The following SOX5 variants were observed in gnomAD, a reference collection of about 807,000 sequenced individuals.
SOX5 encodes the protein SRY-box transcription factor 5.
Under a neutral mutation model 92.0 loss-of-function variants are expected in SOX5, and 9 were observed. The observed-to-expected ratio is 0.10, with a 90% CI of 0.06 to 0.17. The LOEUF is 0.17. Among genes scored for constraint, SOX5 ranks in the 10% least tolerant of loss-of-function variants. The pLI is 1.00. For synonymous variants in SOX5, 344 were observed against 336.3 expected, an observed-to-expected ratio of 1.02 and a Z score of -0.25; for missense variants, 642 against 944.5, an observed-to-expected ratio of 0.68 and a Z score of 4.20.
Position 24,376,690 on chromosome 12 carries a change from CTTTTTTTTTTTTTTTTTTT to C in SOX5, c.-250-8070_-250-8052del, listed in dbSNP as rs1164391418. 4.9e-3 allele frequency among the ~76,000 whole-genome samples: 346 copies of C among 70,616 alleles called. 4 individuals carry two copies. Among genetic ancestry groups the C allele is most frequent in the Middle Eastern group, 7.5e-3 (1 of 134 alleles). 46.3% of individuals were successfully genotyped at this position (70,616 alleles called of 152,430 possible). On this transcript the variant is annotated intron_variant, in intron 1 of 4. Coordinates refer to the SOX5 transcript ENST00000446891. ...CAGAATGATGCTATGGGAGAGATAC[CTTTTTTTTTTTTTTTTTTT>C]TTTTTTTTTTTTTTTTTTTTACAGA... is the stretch of plus-strand genomic sequence containing the variant.
intron 4 of SOX5, among the ~76,000 whole-genome samples, chr12:23,991,535 G>T (rs1950557564): frequency 6.6e-6 from 1 of 151,794 alleles, no homozygotes; most frequent in Admixed American, 6.6e-5. Context: ...CGATTTTCCA[G>T]TTATAAAATA....
chr12:24,389,170 T>C (rs1958726572), intron 1 of SOX5, among the ~76,000 whole-genome samples: 1 of 151,676 alleles, frequency 6.6e-6, no homozygotes, highest in Non-Finnish European at 1.5e-5. Context: ...TGTGTTCTCA[T>C]TGTTCAATTC....
chr12:23,647,287 T>A (rs930477646), intron 7 of SOX5, among the ~76,000 whole-genome samples: 1 of 152,236 alleles, frequency 6.6e-6, no homozygotes, highest in Non-Finnish European at 1.5e-5. Context: ...CTAGTGGGCT[T>A]AAAATATTCA....
At chr12:24,114,450 G>A (rs138573204) in intron 4 of SOX5, among the ~76,000 whole-genome samples, 1 of 151,144 alleles carries the variant, frequency 6.6e-6, no homozygotes, top group Non-Finnish European at 1.5e-5. Flanking sequence ...GATGGTGTGT[G>A]CCTGTAATCC....
intron 4 of SOX5, among the ~76,000 whole-genome samples, chr12:24,134,549 A>G (rs1348345283): frequency 6.6e-6 from 1 of 152,226 alleles, no homozygotes; most frequent in African/African-American, 2.4e-5. Context: ...ACACACACAT[A>G]AACACACATA....
chr12:23,740,335 A>C (rs937084264), intron 5 of SOX5, among the ~76,000 whole-genome samples: 10 of 152,168 alleles, frequency 6.6e-5, no homozygotes, highest in African/African-American at 2.4e-4. Flanking sequence ...AAAGAATTCT[A>C]CTAACCATAA....
chr12:23,838,614 C>A (rs1301686791), intron 3 of SOX5, among the ~76,000 whole-genome samples: 1 of 151,672 alleles, frequency 6.6e-6, no homozygotes, highest in Non-Finnish European at 1.5e-5. Context: ...CTTTATTTAC[C>A]AAGTCACTCC....
chr12:24,008,494 G>C (rs1409755188), intron 4 of SOX5, among the ~76,000 whole-genome samples: 2 of 151,788 alleles, frequency 1.3e-5, no homozygotes, highest in African/African-American at 2.4e-5. Context: ...TACAGAGCTT[G>C]GATTAAATCC....
chr12:24,084,156 T>C (rs1943690412), intron 4 of SOX5, among the ~76,000 whole-genome samples: 1 of 152,064 alleles, frequency 6.6e-6, no homozygotes, highest in African/African-American at 2.4e-5. Flanking sequence ...GATGTATCTA[T>C]AAGGTTGAAC....
chr12:23,621,223 G>A (rs2077137239), intron 8 of SOX5, among the ~76,000 whole-genome samples: 1 of 151,990 alleles, frequency 6.6e-6, no homozygotes, highest in Non-Finnish European at 1.5e-5. Context: ...AGACACAAAA[G>A]GACAAGGTAC....
At chr12:24,037,191 C>G (rs1248078218) in intron 4 of SOX5, among the ~76,000 whole-genome samples, 3 of 152,212 alleles carry the variant, frequency 2.0e-5, no homozygotes, top group Non-Finnish European at 4.4e-5. Context: ...CTGACCTTTG[C>G]AAGCTATTCA....
At chr12:24,512,474 ACT>A (rs1403426113) in intron 1 of SOX5, among the ~76,000 whole-genome samples, 2 of 152,208 alleles carry the variant, frequency 1.3e-5, no homozygotes, top group African/African-American at 4.8e-5. Flanking sequence ...AATACTTAAG[ACT>A]CAAATATAAC....
intron 4 of SOX5, among the ~76,000 whole-genome samples, chr12:24,195,286 C>G (rs913567360): frequency 2.6e-5 from 4 of 152,062 alleles, no homozygotes; most frequent in African/African-American, 7.2e-5. Context: ...TCATAATCAT[C>G]AATTTTTTTA....
At chr12:24,044,993 A>G (rs1441209021) in intron 4 of SOX5, among the ~76,000 whole-genome samples, 1 of 152,204 alleles carries the variant, frequency 6.6e-6, no homozygotes, top group Non-Finnish European at 1.5e-5. Flanking sequence ...AAGTCTGGAT[A>G]TGCTTCTGAA....
chr12:24,370,476 C>CAAAA (rs57192965), intron 1 of SOX5, among the ~76,000 whole-genome samples: 5 of 79,722 alleles, frequency 6.3e-5, no homozygotes, highest in Non-Finnish European at 9.2e-5. Flanking sequence ...GACTCCGTCT[C>CAAAA]AAAAAAAAAA....
intron 8 of SOX5, among the ~76,000 whole-genome samples, chr12:23,620,694 C>T (rs2077066897): frequency 6.6e-6 from 1 of 152,028 alleles, no homozygotes; most frequent in South Asian, 2.1e-4. Flanking sequence ...TAACACACTC[C>T]AATAGCACCT....
chr12:23,723,768 T>G (rs984551963), intron 6 of SOX5, among the ~76,000 whole-genome samples: 26 of 151,956 alleles, frequency 1.7e-4, no homozygotes, highest in African/African-American at 5.1e-4. Flanking sequence ...TAATCTGTAA[T>G]TAAATATATG....
chr12:24,383,224 A>T, intron 1 of SOX5, among the ~76,000 whole-genome samples: 1 of 152,178 alleles, frequency 6.6e-6, no homozygotes, highest in Non-Finnish European at 1.5e-5. Flanking sequence ...GGCCCAAATG[A>T]GTCTTTATTT....
At chr12:23,888,605 C>T (rs1055892275) in intron 2 of SOX5, among the ~76,000 whole-genome samples, 1 of 152,154 alleles carries the variant, frequency 6.6e-6, no homozygotes, top group African/African-American at 2.4e-5. Flanking sequence ...TGATCGATTG[C>T]ACAACTTATC....
Sources: gnomAD v4.1 joint callset for allele counts (sites outside exome capture counted in the v4.1 genomes callset) on GRCh38, gnomAD v4.1.1 for gene constraint, MANE v1.5 for transcripts, NCBI Gene and HGNC (gene_info 2026-07-23, HGNC 2026-07-21) for gene names.